MAL: variants seen among roughly 807,000 people sequenced by gnomAD.
MAL encodes the protein myelin and lymphocyte protein.
A neutral mutation model predicts 16.7 loss-of-function variants in MAL; 5 were observed. That is an observed-to-expected ratio of 0.30 (90% CI 0.16 to 0.63). MAL has a LOEUF of 0.63. Ranked by LOEUF, MAL falls within the 30% of genes least tolerant of loss-of-function variation. The probability of loss-of-function intolerance (pLI) is 0.82; values close to 1 mark genes in which losing one functional copy is unlikely to be tolerated. For missense variants in MAL, 202 were observed against 195.8 expected, an observed-to-expected ratio of 1.03 and a Z score of -0.19; for synonymous variants, 96 against 85.5, an observed-to-expected ratio of 1.12 and a Z score of -0.67.
intron 1 of MAL, among the ~76,000 whole-genome samples, chr2:95,047,459 G>A (rs143239169): frequency 2.0e-5 from 3 of 152,322 alleles, no homozygotes; most frequent in Admixed American, 6.5e-5. Flanking sequence ...AGTGGCTCAC[G>A]CCTGTAATCC....
At chr2:95,036,314 C>T (rs984258544) in intron 1 of MAL, among the ~76,000 whole-genome samples, 2 of 152,214 alleles carry the variant, frequency 1.3e-5, no homozygotes, top group Non-Finnish European at 2.9e-5. Flanking sequence ...CCCGATCTCT[C>T]CTCATGGGCT....
chr2:95,045,247 GTATAGGTCACCCGTAAGCGCC>G (rs1481902556), intron 1 of MAL, among the ~76,000 whole-genome samples: 1 of 152,206 alleles, frequency 6.6e-6, no homozygotes, highest in Non-Finnish European at 1.5e-5. Flanking sequence ...GATAGCATGT[GTATAGGTCACCCGTAAGCGCC>G]TCTGGCCCAC....
At chr2:95,045,302 C>T (rs557216062) in intron 1 of MAL, among the ~76,000 whole-genome samples, 2 of 152,304 alleles carry the variant, frequency 1.3e-5, no homozygotes, top group South Asian at 2.1e-4. Context: ...GATTCCATAA[C>T]GGAGTCTCTT....
intron 1 of MAL, among the ~76,000 whole-genome samples, chr2:95,045,107 G>C (rs1289250184): frequency 6.6e-6 from 1 of 152,134 alleles, no homozygotes; most frequent in Non-Finnish European, 1.5e-5. Flanking sequence ...GTTTACCTTT[G>C]CCTATCCACG....
Position 95,053,506 on chromosome 2 carries a change from C to T in MAL, c.*51C>T. ...ACCCAGATGGTGTTAACTGGCCGCC[C>T]CACTTTCCGGCATAACTTTTTAGAA... On this transcript the variant is annotated 3_prime_UTR_variant, in exon 4 of 4. Transcript: ENST00000309988. 1 of 1,386,526 alleles carries T rather than the reference C, an allele frequency of 7.2e-7. No individual in the cohort carries two copies. The highest frequency in any genetic ancestry group is 1.0e-6 in the Non-Finnish European group (1 of 973,976). The allele number at this position is 1,386,526 out of a possible 1,614,324, so 85.9% of individuals were successfully genotyped here. A position where few individuals can be genotyped will look rare whatever the true frequency, so the allele number is the denominator to read the frequency against.
At chr2:95,037,544 GTGAGTGAGTGAGTGAC>G (rs1277275078) in intron 1 of MAL, among the ~76,000 whole-genome samples, 8 of 150,066 alleles carry the variant, frequency 5.3e-5, no homozygotes, top group African/African-American at 1.5e-4. Context: ...GAGTGACTGA[GTGAGTGAGTGAGTGAC>G]TGAGTGAGTG....
intron 1 of MAL, among the ~76,000 whole-genome samples, chr2:95,034,221 T>A (rs1335422510): frequency 6.6e-6 from 1 of 152,184 alleles, no homozygotes; most frequent in African/African-American, 2.4e-5. Context: ...AGACACCACC[T>A]TCCTGGGGCC....
intron 1 of MAL, among the ~76,000 whole-genome samples, chr2:95,034,322 G>A (rs1674155729): frequency 6.6e-6 from 1 of 152,212 alleles, no homozygotes; most frequent in Admixed American, 6.5e-5. Flanking sequence ...CAGCCAAGGG[G>A]TGGAGGACAG....
chr2:95,041,909 GAGA>G (rs975062577), intron 1 of MAL, among the ~76,000 whole-genome samples: 2 of 152,184 alleles, frequency 1.3e-5, no homozygotes, highest in Non-Finnish European at 2.9e-5. Flanking sequence ...CATGTTCTTA[GAGA>G]AGCTCAACTC....
intron 1 of MAL, among the ~76,000 whole-genome samples, chr2:95,039,208 C>CTGAG (rs200015609): frequency 5.3e-4 from 44 of 82,702 alleles, no homozygotes; most frequent in Non-Finnish European, 9.2e-4. Flanking sequence ...GAGTGAGTGA[C>CTGAG]TGAGTGAGTG....
chr2:95,041,092 C>A (rs1455283782), intron 1 of MAL, among the ~76,000 whole-genome samples: 1 of 152,160 alleles, frequency 6.6e-6, no homozygotes, highest in Non-Finnish European at 1.5e-5. Context: ...AGAAAAATAT[C>A]CAGAGAATTT....
At chr2:95,047,754 G>A (rs1371811376) in intron 1 of MAL, among the ~76,000 whole-genome samples, 3 of 152,168 alleles carry the variant, frequency 2.0e-5, no homozygotes, top group African/African-American at 4.8e-5. Context: ...CAGGGCAAGC[G>A]TGCCGGGGAT....
chr2:95,026,046 A>T (rs1298508609), intron 1 of MAL, among the ~76,000 whole-genome samples, 161 bp downstream of exon 1: 1 of 152,150 alleles, frequency 6.6e-6, no homozygotes, highest in Non-Finnish European at 1.5e-5. Flanking sequence ...GTCCCCTCCC[A>T]CCTCCGGTCC....
At position 95,046,896 on chromosome 2, in the gene MAL, AAG is replaced by A. The variant is rs950577356; in HGVS notation, c.94-1051_94-1050del. Among the ~76,000 whole-genome samples, 6 of 151,202 alleles carry A rather than the reference AAG, an allele frequency of 4.0e-5. No homozygotes were observed. In the South Asian group the frequency reaches 6.4e-4, roughly 16 times the overall value. On this transcript the variant is annotated intron_variant, in intron 1 of 3. Coordinates refer to ENST00000309988, the MANE Select transcript of MAL (RefSeq NM_002371.4). ...GAAAGGGAGAGAGAGAGAGAAAAGA[AAG>A]AGAGAGAGAGAAAGAGAGAGAAAGA...
chr2:95,039,230 GACT>G, intron 1 of MAL, among the ~76,000 whole-genome samples: 1 of 151,178 alleles, frequency 6.6e-6, no homozygotes, highest in Non-Finnish European at 1.5e-5. Context: ...GTGAGTGAGT[GACT>G]GAGTGACTGA....
At chr2:95,036,067 A>G (rs1195039125) in intron 1 of MAL, among the ~76,000 whole-genome samples, 2 of 152,208 alleles carry the variant, frequency 1.3e-5, no homozygotes, top group Non-Finnish European at 2.9e-5. Flanking sequence ...TAGATAAGGA[A>G]CACTGTCTAA....
chr2:95,028,895 C>T (rs1674013732), intron 1 of MAL, among the ~76,000 whole-genome samples: 1 of 152,030 alleles, frequency 6.6e-6, no homozygotes. Flanking sequence ...TTGCCAGGGA[C>T]CAAGGGGAGC....
intron 1 of MAL, among the ~76,000 whole-genome samples, chr2:95,027,909 G>A (rs1435589497): frequency 1.3e-5 from 2 of 152,034 alleles, no homozygotes; most frequent in Non-Finnish European, 2.9e-5. Flanking sequence ...ATTAGAAAAT[G>A]GACAATGGAC....
At chr2:95,035,276 C>G (rs776774856) in intron 1 of MAL, among the ~76,000 whole-genome samples, 3 of 152,240 alleles carry the variant, frequency 2.0e-5, no homozygotes, top group Non-Finnish European at 4.4e-5. Context: ...CCTGTCTGGT[C>G]CAGCATTTCC....
Sources: gnomAD v4.1 joint callset for allele counts (sites outside exome capture counted in the v4.1 genomes callset) on GRCh38, gnomAD v4.1.1 for gene constraint, MANE v1.5 for transcripts, NCBI Gene and HGNC (gene_info 2026-07-23, HGNC 2026-07-21) for gene names.